KCNQ1: variants seen among roughly 807,000 people sequenced by gnomAD.
KCNQ1 encodes the protein potassium voltage-gated channel subfamily Q member 1.
In KCNQ1, 49 loss-of-function variants were observed where a neutral mutation model predicts 72.4. The ratio of observed to expected loss-of-function variants is 0.68; its 90% CI spans 0.54 to 0.86. KCNQ1 has a LOEUF of 0.86. Ranked by LOEUF, KCNQ1 falls within the 40% of genes least tolerant of loss-of-function variation. KCNQ1 has a pLI of 0.00. For synonymous variants in KCNQ1, 450 were observed against 412.6 expected, an observed-to-expected ratio of 1.09 and a Z score of -1.10; for missense variants, 790 against 945.1, an observed-to-expected ratio of 0.84 and a Z score of 2.15.
At chr11:2,629,319 G>A (rs1849313579) in intron 10 of KCNQ1, 1 of 398,170 alleles carries the variant, frequency 2.5e-6, no homozygotes. Flanking sequence ...TTGGTTAAAT[G>A]TATGCCTAAA....
At chr11:2,655,126 A>G (rs1849822135) in intron 10 of KCNQ1, 2 of 398,488 alleles carry the variant, frequency 5.0e-6, no homozygotes, top group African/African-American at 2.1e-5. Context: ...GAGCAGGACC[A>G]CTGACTAGAA....
At chr11:2,667,716 C>A in intron 11 of KCNQ1, 2 of 398,702 alleles carry the variant, frequency 5.0e-6, no homozygotes, top group East Asian at 3.6e-5. Flanking sequence ...GTCTGGAAGC[C>A]GTGTCCCCTT....
intron 2 of KCNQ1, among the ~76,000 whole-genome samples, chr11:2,533,117 G>T (rs892947643): frequency 6.6e-6 from 1 of 152,196 alleles, no homozygotes; most frequent in African/African-American, 2.4e-5. Flanking sequence ...TAAATGTTGG[G>T]GGAAAAAATG....
rs1383841214 is a variant in KCNQ1 at position 2,848,756 on chromosome 11, C to T, written c.*753C>T. 2.2e-6 allele frequency: 1 copy of T among 454,140 alleles called. No individual in the cohort carries two copies. Among genetic ancestry groups the T allele is most frequent in the South Asian group, 1.6e-5 (1 of 64,478 alleles). 28.1% of individuals were successfully genotyped at this position (454,140 alleles called of 1,614,324 possible). A position where few individuals can be genotyped will look rare whatever the true frequency, so the allele number is the denominator to read the frequency against. On this transcript the variant is annotated 3_prime_UTR_variant, in exon 16 of 16. Transcript: ENST00000155840. ...TGCGTGGGGCTCCCGCCTCCAACCCCTCGCCCAGTCCCAGCAGCCAGCCAA... is the reference window on the plus strand; with the variant it reads ...TGCGTGGGGCTCCCGCCTCCAACCCTTCGCCCAGTCCCAGCAGCCAGCCAA...
In KCNQ1 at chr11:2,498,060, G is replaced by T. The variant is rs7926983; in HGVS notation, c.387-29868G>T. ...CCTCTGGAAGCTTTGTCCCAGAAGG[G>T]CACCAGCCTGATGCCAACCAGAGCT... On this transcript the variant is annotated intron_variant, in intron 1 of 15. Transcript: ENST00000155840. The surrounding 1 kb of genome is among the most constrained non-coding windows in gnomAD (Gnocchi z 4.8). Among the ~76,000 whole-genome samples the T allele has an allele frequency of 0.53, 80,415 of 152,082 alleles. 22,725 individuals are homozygous for T. Among genetic ancestry groups the T allele is most frequent in the Non-Finnish European group, 0.63 (43,030 of 67,968 alleles).
rs1847534696 is a variant in KCNQ1 at position 2,813,441 on chromosome 11, C to T, written c.1795-34326C>T. ...TGCCCGTCAGTGCTTAGAGCAAATG[C>T]CCCTCCCCCGCCATCTTTTCATGAC... On this transcript the variant is annotated intron_variant, in intron 15 of 15. Coordinates refer to ENST00000155840, the MANE Select transcript of KCNQ1 (RefSeq NM_000218.3). The surrounding 1 kb of genome is among the most constrained non-coding windows in gnomAD (Gnocchi z 4.4). Among the ~76,000 whole-genome samples the T allele has an allele frequency of 6.6e-6, 1 of 152,120 alleles. No homozygotes were observed. The highest frequency in any genetic ancestry group is 6.5e-5 in the Admixed American group (1 of 15,282).
chr11:2,655,865 T>A, intron 10 of KCNQ1: 2 of 398,668 alleles, frequency 5.0e-6, no homozygotes. Context: ...AAAACAAATC[T>A]GTGGAGGCCT....
intron 1 of KCNQ1, among the ~76,000 whole-genome samples, chr11:2,522,730 C>T (rs1337735210): frequency 6.6e-6 from 1 of 152,246 alleles, no homozygotes; most frequent in African/African-American, 2.4e-5. Context: ...CTGTCCCCAC[C>T]ATCTGCCTGG....
chr11:2,776,398 G>A (rs551369000), intron 13 of KCNQ1, among the ~76,000 whole-genome samples: 256 of 152,196 alleles, frequency 1.7e-3, no homozygotes, highest in Non-Finnish European at 2.9e-3. Flanking sequence ...CAGGACACTC[G>A]GCAGCCAGCC....
At chr11:2,532,422 C>G (rs190545628) in intron 2 of KCNQ1, among the ~76,000 whole-genome samples, 3 of 152,242 alleles carry the variant, frequency 2.0e-5, no homozygotes, top group South Asian at 2.1e-4. Context: ...AGCAGTCTCT[C>G]GAAGCACTGG....
chr11:2,539,058 GC>G (rs1310027543), intron 2 of KCNQ1, among the ~76,000 whole-genome samples: 7 of 152,208 alleles, frequency 4.6e-5, no homozygotes, highest in African/African-American at 1.7e-4. Context: ...GGCGGTCTCA[GC>G]CCATGGTGCT....
chr11:2,837,849 G>A (rs916925361), intron 15 of KCNQ1, among the ~76,000 whole-genome samples: 5 of 152,340 alleles, frequency 3.3e-5, no homozygotes, highest in South Asian at 2.1e-4. Context: ...CACAGGGGCC[G>A]GCGGCGAGGG....
chr11:2,459,702 C>T (rs556222489), intron 1 of KCNQ1, among the ~76,000 whole-genome samples: 1 of 152,130 alleles, frequency 6.6e-6, no homozygotes, highest in African/African-American at 2.4e-5. Flanking sequence ...ACCCCGGAGG[C>T]CCCCTCCGCC....
intron 1 of KCNQ1, among the ~76,000 whole-genome samples, chr11:2,504,554 G>C (rs541425948): frequency 6.6e-6 from 1 of 152,210 alleles, no homozygotes; most frequent in South Asian, 2.1e-4. Context: ...CCAGGAGTTC[G>C]AGGCCTGCCT....
At chr11:2,771,438 T>C (rs1482456599) in intron 12 of KCNQ1, 2 of 152,270 alleles carry the variant, frequency 1.3e-5, no homozygotes, top group Non-Finnish European at 2.9e-5. Context: ...GGAGCATTCG[T>C]TGAATACCTG....
At chr11:2,841,122 G>A (rs925703567) in intron 15 of KCNQ1, among the ~76,000 whole-genome samples, 3 of 152,172 alleles carry the variant, frequency 2.0e-5, no homozygotes, top group African/African-American at 7.2e-5. Flanking sequence ...CAGGAACATG[G>A]GGAGAGATGA....
intron 2 of KCNQ1, among the ~76,000 whole-genome samples, chr11:2,546,386 G>T (rs927258865): frequency 4.7e-4 from 72 of 152,276 alleles, no homozygotes; most frequent in African/African-American, 1.7e-3. Context: ...ACTCCATTGT[G>T]TGCTTGGAAA....
At chr11:2,761,454 G>T (rs1452087772) in intron 11 of KCNQ1, among the ~76,000 whole-genome samples, 1 of 152,190 alleles carries the variant, frequency 6.6e-6, no homozygotes, top group African/African-American at 2.4e-5. Context: ...GCAGGCCAGG[G>T]TGTTCTCGGG....
intron 11 of KCNQ1, chr11:2,667,829 A>C (rs1208072403): frequency 1.0e-5 from 4 of 398,518 alleles, no homozygotes; most frequent in Non-Finnish European, 1.8e-5. Flanking sequence ...TGGTGGTGTT[A>C]AACTTTTAGT....
Sources: allele counts gnomAD v4.1 joint callset (sites outside exome capture counted in the v4.1 genomes callset), GRCh38; gene constraint gnomAD v4.1.1; non-coding constraint Gnocchi (gnomAD v3.1); transcripts MANE v1.5; gene names NCBI Gene and HGNC (gene_info 2026-07-23, HGNC 2026-07-21).